The following MAML3 variants were observed in gnomAD, a reference collection of about 807,000 sequenced individuals.
MAML3 encodes mastermind like transcriptional coactivator 3.
In MAML3, 27 loss-of-function variants were observed where a neutral mutation model predicts 101.9. That is an observed-to-expected ratio of 0.27 (90% CI 0.20 to 0.37). The LOEUF (loss-of-function observed/expected upper bound fraction) is 0.37. Ranked by LOEUF, MAML3 falls within the 10% of genes least tolerant of loss-of-function variation. The pLI, the probability that MAML3 is intolerant of heterozygous loss-of-function variation, is 1.00. For synonymous variants in MAML3, 501 were observed against 555.9 expected, an observed-to-expected ratio of 0.90 and a Z score of 1.39; for missense variants, 1,316 against 1,444.9, an observed-to-expected ratio of 0.91 and a Z score of 1.45.
intron 1 of MAML3, among the ~76,000 whole-genome samples, chr4:139,909,247 T>A (rs1732874120): frequency 6.6e-6 from 1 of 152,204 alleles, no homozygotes; most frequent in African/African-American, 2.4e-5. Flanking sequence ...TCAGATTATG[T>A]CTATAAAACA....
At chr4:139,894,905 G>A (rs1427507694) in intron 1 of MAML3, among the ~76,000 whole-genome samples, 1 of 152,206 alleles carries the variant, frequency 6.6e-6, no homozygotes, top group Non-Finnish European at 1.5e-5. Context: ...GGAAATGAAG[G>A]TTAGGGCTTT....
At chr4:140,069,147 T>A (rs1727587400) in intron 1 of MAML3, among the ~76,000 whole-genome samples, 1 of 152,158 alleles carries the variant, frequency 6.6e-6, no homozygotes, top group African/African-American at 2.4e-5. Flanking sequence ...CGACTTTACA[T>A]GGGAAAAAAA....
chr4:139,835,289 G>A (rs1731239051), intron 2 of MAML3, among the ~76,000 whole-genome samples: 1 of 152,260 alleles, frequency 6.6e-6, no homozygotes, highest in South Asian at 2.1e-4. Flanking sequence ...TAGTGAATGA[G>A]TTTTAGTTTA....
chr4:139,948,376 T>C (rs1449666030), intron 1 of MAML3, among the ~76,000 whole-genome samples: 1 of 152,236 alleles, frequency 6.6e-6, no homozygotes, highest in Non-Finnish European at 1.5e-5. Flanking sequence ...AAACTATATT[T>C]AACTGCCTCT....
chr4:140,116,598 A>T (rs572208765), intron 1 of MAML3, among the ~76,000 whole-genome samples: 1 of 152,168 alleles, frequency 6.6e-6, no homozygotes, highest in Admixed American at 6.5e-5. Flanking sequence ...CTAACCTCTA[A>T]CCCCACTGCT....
At chr4:139,789,019 TACAG>T (rs929548850) in intron 2 of MAML3, among the ~76,000 whole-genome samples, 1 of 152,240 alleles carries the variant, frequency 6.6e-6, no homozygotes, top group African/African-American at 2.4e-5. Flanking sequence ...TTTTTACTGA[TACAG>T]AAAGACTTGA....
At chr4:139,859,473 C>T (rs1731728470) in intron 2 of MAML3, among the ~76,000 whole-genome samples, 1 of 151,918 alleles carries the variant, frequency 6.6e-6, no homozygotes, top group Admixed American at 6.5e-5. Context: ...TCCCAAAGTG[C>T]TGGGATTACA....
At chr4:140,127,283 A>G (rs1005712618) in intron 1 of MAML3, among the ~76,000 whole-genome samples, 4 of 152,168 alleles carry the variant, frequency 2.6e-5, no homozygotes, top group Non-Finnish European at 5.9e-5. Context: ...TGGAGCCCTC[A>G]GGTTCTTGCA....
intron 1 of MAML3, among the ~76,000 whole-genome samples, chr4:139,938,441 T>C (rs1262452948): frequency 6.6e-6 from 1 of 152,166 alleles, no homozygotes; most frequent in Non-Finnish European, 1.5e-5. Flanking sequence ...TATCAGTTAG[T>C]AAGGCTTTTT....
At chr4:139,870,528 C>T (rs1483119964) in intron 2 of MAML3, among the ~76,000 whole-genome samples, 1 of 152,170 alleles carries the variant, frequency 6.6e-6, no homozygotes. Context: ...AATGCATACT[C>T]TTCTTTTGAA....
intron 2 of MAML3, among the ~76,000 whole-genome samples, chr4:139,798,051 AG>A (rs1730544323): frequency 1.8e-5 from 2 of 110,170 alleles, no homozygotes; most frequent in Non-Finnish European, 3.8e-5. Context: ...AAAGAAAGAA[AG>A]AAAGAAAGAA....
At chr4:139,922,137 C>G (rs1294307243) in intron 1 of MAML3, among the ~76,000 whole-genome samples, 1 of 152,086 alleles carries the variant, frequency 6.6e-6, no homozygotes, top group African/African-American at 2.4e-5. Flanking sequence ...TTTAAGCCAG[C>G]CTGTTAGTAA....
intron 2 of MAML3, among the ~76,000 whole-genome samples, chr4:139,848,038 G>C (rs1731479270): frequency 6.6e-6 from 1 of 152,198 alleles, no homozygotes; most frequent in Non-Finnish European, 1.5e-5. Context: ...CGACCCTGGG[G>C]TGTGCAATCT....
intron 1 of MAML3, among the ~76,000 whole-genome samples, chr4:139,990,902 G>A (rs1047035595): frequency 2.6e-5 from 4 of 152,072 alleles, no homozygotes; most frequent in African/African-American, 9.7e-5. Flanking sequence ...AAATAAAAGA[G>A]GATACGAAGA....
At position 139,926,123 on chromosome 4, in the gene MAML3, C is replaced by T. The variant is rs35085132; in HGVS notation, c.469-35156G>A. Among the ~76,000 whole-genome samples the T allele has an allele frequency of 4.8e-3, 727 of 152,280 alleles. 2 individuals are homozygous for T. Among genetic ancestry groups the T allele is most frequent in the Non-Finnish European group, 8.2e-3 (559 of 68,028 alleles). Reference sequence around the variant, plus strand: ...CACCCATATACCGAGAAGGCATATGCTCTGTTTATTTGACCTGAAGGAAAA... The same window carrying T: ...CACCCATATACCGAGAAGGCATATGTTCTGTTTATTTGACCTGAAGGAAAA... On this transcript the variant is annotated intron_variant, in intron 1 of 4. Transcript: ENST00000509479.
intron 1 of MAML3, among the ~76,000 whole-genome samples, chr4:139,966,095 A>C (rs548617261): frequency 6.6e-6 from 1 of 152,378 alleles, no homozygotes; most frequent in South Asian, 2.1e-4. Context: ...CACCTTGAAC[A>C]CAAATGATTT....
chr4:139,852,259 C>T lies in MAML3; in HGVS notation c.2079+37098G>A, dbSNP rs1024139526. 4.6e-5 allele frequency among the ~76,000 whole-genome samples: 7 copies of T among 152,078 alleles called. 1 individual carries two copies. The highest frequency in any genetic ancestry group is 2.0e-4 in the Admixed American group (3 of 15,274). Reference sequence around the variant, plus strand: ...GGGTAAGTTTCTTGGTTCTTTATAACCTTTCTGCAAATCAACTTATGACCA... The same window carrying T: ...GGGTAAGTTTCTTGGTTCTTTATAATCTTTCTGCAAATCAACTTATGACCA... On this transcript the variant is annotated intron_variant, in intron 2 of 4. Transcript: ENST00000509479.
At chr4:139,961,786 T>C (rs1734019292) in intron 1 of MAML3, among the ~76,000 whole-genome samples, 1 of 152,100 alleles carries the variant, frequency 6.6e-6, no homozygotes, top group African/African-American at 2.4e-5. Context: ...CCAAATAAAG[T>C]ATAAGTACAT....
intron 1 of MAML3, among the ~76,000 whole-genome samples, chr4:139,964,686 C>A (rs1231662483): frequency 6.6e-6 from 1 of 152,086 alleles, no homozygotes; most frequent in Non-Finnish European, 1.5e-5. Context: ...GAATTCCAAA[C>A]AATGGTCCTT....
Sources: gnomAD v4.1 joint callset for allele counts (sites outside exome capture counted in the v4.1 genomes callset) on GRCh38, gnomAD v4.1.1 for gene constraint, MANE v1.5 for transcripts, NCBI Gene and HGNC (gene_info 2026-07-23, HGNC 2026-07-21) for gene names.